MACROD2: variants seen among roughly 807,000 people sequenced by gnomAD.
MACROD2 encodes the protein mono-ADP ribosylhydrolase 2.
In MACROD2, 36 loss-of-function variants were observed where a neutral mutation model predicts 70.4. That is an observed-to-expected ratio of 0.51 (90% CI 0.39 to 0.68). The LOEUF (loss-of-function observed/expected upper bound fraction) is 0.68. Among genes scored for constraint, MACROD2 ranks in the 30% least tolerant of loss-of-function variants. The pLI, the probability that MACROD2 is intolerant of heterozygous loss-of-function variation, is 0.00. For missense variants in MACROD2, 496 were observed against 538.4 expected, an observed-to-expected ratio of 0.92 and a Z score of 0.78; for synonymous variants, 172 against 178.8, an observed-to-expected ratio of 0.96 and a Z score of 0.30.
At chr20:15,931,252 C>T (rs2147314010) in intron 10 of MACROD2, among the ~76,000 whole-genome samples, 1 of 152,234 alleles carries the variant, frequency 6.6e-6, no homozygotes, top group South Asian at 2.1e-4. Context: ...CATGGAGAAC[C>T]AGAACAGGGA....
intron 5 of MACROD2, among the ~76,000 whole-genome samples, chr20:14,753,313 AGACCAAGTTTCATGTCAGCTTTT>A (rs1224976819): frequency 1.3e-5 from 2 of 152,100 alleles, no homozygotes; most frequent in Admixed American, 1.3e-4. Context: ...AAGCTTGAGA[AGACCAAGTTTCATGTCAGCTTTT>A]GATTTTCATT....
intron 8 of MACROD2, among the ~76,000 whole-genome samples, chr20:15,648,719 GTGGATGGATGGA>G (rs200374076): frequency 1.3e-5 from 2 of 151,680 alleles, no homozygotes; most frequent in Middle Eastern, 3.4e-3. Flanking sequence ...TGGATGGATG[GTGGATGGATGGA>G]TGGATGGATG....
chr20:15,496,529 T>C (rs2047299907), intron 7 of MACROD2, among the ~76,000 whole-genome samples: 1 of 152,242 alleles, frequency 6.6e-6, no homozygotes, highest in South Asian at 2.1e-4. Context: ...ACTTGTATAA[T>C]TTCTCTGTGG....
At chr20:14,142,715 G>A (rs1198784588) in intron 3 of MACROD2, among the ~76,000 whole-genome samples, 2 of 151,902 alleles carry the variant, frequency 1.3e-5, no homozygotes, top group African/African-American at 2.4e-5. Context: ...TGATGAATTT[G>A]GAATTAATCA....
intron 2 of MACROD2, among the ~76,000 whole-genome samples, chr20:14,034,681 T>C (rs1452105313): frequency 6.6e-6 from 1 of 152,236 alleles, no homozygotes; most frequent in African/African-American, 2.4e-5. Context: ...TTAACATTCG[T>C]CAGCCGTTTA....
intron 3 of MACROD2, among the ~76,000 whole-genome samples, chr20:14,197,424 C>A (rs2081441456): frequency 6.6e-6 from 1 of 152,158 alleles, no homozygotes; most frequent in Non-Finnish European, 1.5e-5. Context: ...TAACTTTCAA[C>A]TGAAATTTTC....
intron 5 of MACROD2, among the ~76,000 whole-genome samples, chr20:14,979,631 G>A (rs752473897): frequency 6.6e-6 from 1 of 152,254 alleles, no homozygotes; most frequent in East Asian, 1.9e-4. Flanking sequence ...ATTGTGCTTC[G>A]ACATAAATGT....
Position 15,230,004 on chromosome 20 carries a change from T to G in MACROD2, c.483T>G (p.Leu161=), listed in dbSNP as rs2076945732. The change falls in exon 6 of 18, where the codon CTT becomes CTG. Residue 161 remains leucine (L), a synonymous_variant. Coordinates refer to ENST00000684519, the MANE Select transcript of MACROD2 (RefSeq NM_001351661.2). ...GHINGSHKED[L]ANCYKSSLKL... is the part of the protein sequence containing the mutation. ...TTAATGGTTCCCACAAGGAAGACCT[T>G]GCAAATTGCTATAAATCATCTCTGA... 6 of 1,613,808 alleles carry G rather than the reference T, an allele frequency of 3.7e-6. No individual in the cohort carries two copies. The African/African-American group carries it at 6.7e-5, about 18-fold the overall frequency.
At chr20:16,027,869 C>T (rs968403326) in intron 15 of MACROD2, among the ~76,000 whole-genome samples, 2 of 152,188 alleles carry the variant, frequency 1.3e-5, no homozygotes, top group Non-Finnish European at 2.9e-5. Context: ...GATCTGAGAT[C>T]AGCTCTGGCA....
intron 3 of MACROD2, among the ~76,000 whole-genome samples, chr20:14,477,643 T>C (rs1367543639): frequency 6.6e-6 from 1 of 152,144 alleles, no homozygotes; most frequent in Non-Finnish European, 1.5e-5. Flanking sequence ...TATTCAAAAT[T>C]ATACTTTTTA....
intron 3 of MACROD2, among the ~76,000 whole-genome samples, chr20:14,363,362 G>A (rs1442785831): frequency 1.3e-5 from 2 of 152,116 alleles, no homozygotes; most frequent in African/African-American, 4.8e-5. Context: ...AGAAGTGAAA[G>A]AGGTGATATA....
intron 8 of MACROD2, among the ~76,000 whole-genome samples, chr20:15,718,018 CTT>C (rs11087142): frequency 2.9e-4 from 41 of 140,334 alleles, no homozygotes; most frequent in Non-Finnish European, 3.1e-4. Flanking sequence ...TGTTTTCTCT[CTT>C]TTTTTTTTTT....
chr20:14,179,411 T>C (rs966423112), intron 3 of MACROD2, among the ~76,000 whole-genome samples: 5 of 152,208 alleles, frequency 3.3e-5, no homozygotes, highest in African/African-American at 1.2e-4. Flanking sequence ...CTTGTGCCCT[T>C]GCTAAGTTTT....
intron 1 of MACROD2, among the ~76,000 whole-genome samples, chr20:13,999,328 C>G (rs1371215510): frequency 6.6e-6 from 1 of 152,056 alleles, no homozygotes; most frequent in African/African-American, 2.4e-5. Flanking sequence ...TTGCTCAGTC[C>G]TTCATTGTCT....
At chr20:14,207,225 G>A in intron 3 of MACROD2, among the ~76,000 whole-genome samples, 1 of 152,028 alleles carries the variant, frequency 6.6e-6, no homozygotes, top group East Asian at 1.9e-4. Flanking sequence ...AGCCTCCCGA[G>A]TAGCTGGGAT....
chr20:14,214,094 CATAA>C (rs960460713), intron 3 of MACROD2, among the ~76,000 whole-genome samples: 13 of 152,080 alleles, frequency 8.5e-5, no homozygotes, highest in African/African-American at 2.7e-4. Context: ...AAAGTTAAGG[CATAA>C]ATAAATAGTT....
At chr20:15,265,909 T>C (rs902354497) in intron 6 of MACROD2, among the ~76,000 whole-genome samples, 3 of 152,224 alleles carry the variant, frequency 2.0e-5, no homozygotes, top group African/African-American at 7.2e-5. Context: ...AATAGCTTAA[T>C]AAATCAGCTA....
At chr20:15,729,521 G>A (rs186347093) in intron 8 of MACROD2, among the ~76,000 whole-genome samples, 7 of 152,002 alleles carry the variant, frequency 4.6e-5, no homozygotes, top group South Asian at 2.1e-4. Context: ...GGTTATCTAC[G>A]TCTCTCCATA....
chr20:14,320,321 G>A (rs1302138734), intron 3 of MACROD2, among the ~76,000 whole-genome samples: 2 of 151,904 alleles, frequency 1.3e-5, no homozygotes, highest in African/African-American at 2.4e-5. Flanking sequence ...CTGGCAGTGC[G>A]CTGTTCAGGC....
Sources: allele counts gnomAD v4.1 joint callset (sites outside exome capture counted in the v4.1 genomes callset), GRCh38; gene constraint gnomAD v4.1.1; transcripts MANE v1.5; gene names NCBI Gene and HGNC (gene_info 2026-07-23, HGNC 2026-07-21).